The following CCR5AS variants were observed in gnomAD, a reference collection of about 807,000 sequenced individuals.
CCR5AS encodes CCR5 antisense RNA.
At chr3:46,404,575 T>A (rs987419030) in intron 1 of CCR5AS, among the ~76,000 whole-genome samples, 1 of 152,004 alleles carries the variant, frequency 6.6e-6, no homozygotes, top group Non-Finnish European at 1.5e-5. Context: ...TGACCTCAAG[T>A]GATCCACCCA....
chr3:46,382,420 C>G (rs1026734119), intron 2 of CCR5AS, among the ~76,000 whole-genome samples: 3 of 151,550 alleles, frequency 2.0e-5, no homozygotes, highest in African/African-American at 7.3e-5. Flanking sequence ...GAACCCCCTC[C>G]TGCACGAGAG....
intron 2 of CCR5AS, among the ~76,000 whole-genome samples, chr3:46,390,519 A>C (rs888812376): frequency 1.3e-5 from 2 of 152,104 alleles, no homozygotes; most frequent in African/African-American, 2.4e-5. Flanking sequence ...GGATATTGGC[A>C]TTGAGCGGGG....
At chr3:46,400,983 C>G (rs139046559) in intron 1 of CCR5AS, among the ~76,000 whole-genome samples, 1 of 151,992 alleles carries the variant, frequency 6.6e-6, no homozygotes, top group Non-Finnish European at 1.5e-5. Flanking sequence ...GGAGATGGTG[C>G]GAATGTTTTT....
intron 2 of CCR5AS, chr3:46,373,204 G>A (rs772422768): frequency 6.2e-7 from 1 of 1,614,174 alleles, no homozygotes; most frequent in Non-Finnish European, 8.5e-7. Context: ...AATACAATGT[G>A]TCAACTCTTG....
At chr3:46,385,737 T>A (rs1289357882) in intron 2 of CCR5AS, among the ~76,000 whole-genome samples, 6 of 151,726 alleles carry the variant, frequency 4.0e-5, no homozygotes, top group East Asian at 1.9e-4. Flanking sequence ...TTTATTTATT[T>A]ATTATTTATT....
chr3:46,380,962 C>G (rs942427081), intron 2 of CCR5AS, among the ~76,000 whole-genome samples: 4 of 152,154 alleles, frequency 2.6e-5, no homozygotes, highest in Non-Finnish European at 5.9e-5. Context: ...GCATGTGCAC[C>G]AGGAAGAGTC....
intron 2 of CCR5AS, chr3:46,373,108 T>C (rs781160743): frequency 5.6e-6 from 9 of 1,614,078 alleles, no homozygotes; most frequent in Non-Finnish European, 6.8e-6. Flanking sequence ...GACATCTACC[T>C]GCTCAACCTG....
At chr3:46,390,177 G>A (rs1701897724) in intron 2 of CCR5AS, among the ~76,000 whole-genome samples, 1 of 152,166 alleles carries the variant, frequency 6.6e-6, no homozygotes, top group Non-Finnish European at 1.5e-5. Context: ...TGGGACTGGT[G>A]GGTGTCAGAG....
intron 1 of CCR5AS, among the ~76,000 whole-genome samples, chr3:46,401,989 T>G (rs1340833229): frequency 1.3e-5 from 2 of 152,104 alleles, no homozygotes; most frequent in Non-Finnish European, 2.9e-5. Context: ...ATAATGCCTA[T>G]TAGTATATGA....
intron 2 of CCR5AS, among the ~76,000 whole-genome samples, chr3:46,372,154 GC>G (rs1701670273): frequency 6.6e-6 from 1 of 152,156 alleles, no homozygotes; most frequent in African/African-American, 2.4e-5. Context: ...TCCAGTATGT[GC>G]CCTCGAGGCC....
chr3:46,366,103 T>A (rs1701595904), intron 3 of CCR5AS, among the ~76,000 whole-genome samples: 1 of 152,156 alleles, frequency 6.6e-6, no homozygotes, highest in Non-Finnish European at 1.5e-5. Flanking sequence ...CCTAATTGCC[T>A]CCGTATACAG....
chr3:46,389,961 A>G (rs1338495733), intron 2 of CCR5AS, among the ~76,000 whole-genome samples: 1 of 152,122 alleles, frequency 6.6e-6, no homozygotes, highest in African/African-American at 2.4e-5. Context: ...AATACTTTGT[A>G]CCCCTTTGAG....
At chr3:46,373,299 G>A in intron 2 of CCR5AS, 1 of 1,614,148 alleles carries the variant, frequency 6.2e-7, no homozygotes, top group South Asian at 1.1e-5. Context: ...TGTCGTCCAT[G>A]CTGTGTTTGC....
intron 1 of CCR5AS, among the ~76,000 whole-genome samples, chr3:46,397,235 C>T (rs1034738397): frequency 6.6e-6 from 1 of 151,906 alleles, no homozygotes; most frequent in Non-Finnish European, 1.5e-5. Flanking sequence ...GCACATGACT[C>T]CCTGAATTAT....
chr3:46,397,073 G>A (rs1399507465), intron 1 of CCR5AS, among the ~76,000 whole-genome samples: 2 of 152,160 alleles, frequency 1.3e-5, no homozygotes, highest in East Asian at 1.9e-4. Flanking sequence ...GAGGAGTGGG[G>A]GCAAGAGGCC....
At chr3:46,377,824 G>T (rs1302873801) in intron 2 of CCR5AS, among the ~76,000 whole-genome samples, 1 of 152,024 alleles carries the variant, frequency 6.6e-6, no homozygotes, top group Non-Finnish European at 1.5e-5. Context: ...TCCTGCCTCA[G>T]CCTCCTGAGT....
intron 2 of CCR5AS, among the ~76,000 whole-genome samples, chr3:46,378,294 T>A (rs1361870730): frequency 6.6e-6 from 1 of 152,168 alleles, no homozygotes; most frequent in African/African-American, 2.4e-5. Context: ...TATATCTTTA[T>A]ATTAATATGC....
intron 2 of CCR5AS, among the ~76,000 whole-genome samples, chr3:46,383,695 G>A (rs551077764): frequency 6.6e-6 from 1 of 152,238 alleles, no homozygotes; most frequent in African/African-American, 2.4e-5. Flanking sequence ...AGAGGAAACT[G>A]GGCAGAGCTT....
chr3:46,373,863 T>C lies in CCR5AS; in HGVS notation n.392-2446A>G, dbSNP rs913076590. On this transcript the variant is annotated intron_variant and non_coding_transcript_variant, in intron 2 of 3. Transcript: ENST00000451485. Reference sequence around the variant, plus strand: ...CCAAAAGCACATTGCCAAACGCTTCTGCAAATGCTGTTCTATTTTCCAGCA... The same window carrying C: ...CCAAAAGCACATTGCCAAACGCTTCCGCAAATGCTGTTCTATTTTCCAGCA... 3 of 1,613,754 alleles carry C rather than the reference T, an allele frequency of 1.9e-6. No homozygotes were observed. In the African/African-American group the frequency reaches 4.0e-5, roughly 22 times the overall value.
Sources: allele counts gnomAD v4.1 joint callset (sites outside exome capture counted in the v4.1 genomes callset), GRCh38; gene constraint gnomAD v4.1.1; transcripts MANE v1.5; gene names NCBI Gene and HGNC (gene_info 2026-07-23, HGNC 2026-07-21).